Variants in FHIT observed in about 807,000 individuals in gnomAD.
FHIT encodes the protein bis(5'-adenosyl)-triphosphatase.
A neutral mutation model predicts 17.9 loss-of-function variants in FHIT; 19 were observed. The ratio of observed to expected loss-of-function variants is 1.06; its 90% CI spans 0.74 to 1.56. The LOEUF is 1.56. Among genes scored for constraint, FHIT ranks in the 40% most tolerant of loss-of-function variants. The pLI is 0.00. For synonymous variants in FHIT, 81 were observed against 69.7 expected, an observed-to-expected ratio of 1.16 and a Z score of -0.81; for missense variants, 248 against 189.2, an observed-to-expected ratio of 1.31 and a Z score of -1.82.
intron 5 of FHIT, among the ~76,000 whole-genome samples, chr3:60,118,974 T>G (rs918796691): frequency 6.6e-6 from 1 of 150,950 alleles, no homozygotes; most frequent in African/African-American, 2.4e-5. Context: ...TGAGCTGAGA[T>G]GCTGCCACTG....
At position 59,807,611 on chromosome 3, in the gene FHIT, C is replaced by G. The variant is rs866711144; in HGVS notation, c.349-55290G>C. Among the ~76,000 whole-genome samples, 22 of 152,280 alleles carry G rather than the reference C, an allele frequency of 1.4e-4. No homozygotes were observed. The Middle Eastern group carries it at 0.01, about 71-fold the overall frequency. ...TGATTATTCTGTAGCATGTGCTGTC[C>G]ATATTCCTCGGCAGCAGTATATCCC... On this transcript the variant is annotated intron_variant, in intron 8 of 9. Transcript: ENST00000492590.
At chr3:60,285,549 T>C (rs1381222443) in intron 5 of FHIT, among the ~76,000 whole-genome samples, 1 of 152,178 alleles carries the variant, frequency 6.6e-6, no homozygotes, top group Non-Finnish European at 1.5e-5. Flanking sequence ...CCCTCCCCAC[T>C]TGTTCAAACA....
intron 7 of FHIT, among the ~76,000 whole-genome samples, chr3:59,987,114 AT>A (rs370844727): frequency 0.093 from 13,232 of 142,574 alleles, 867 homozygotes; most frequent in South Asian, 0.2. Context: ...AAATCTATAT[AT>A]TTTATATAGA....
chr3:60,953,865 A>C (rs974009038), intron 3 of FHIT, among the ~76,000 whole-genome samples: 2 of 152,242 alleles, frequency 1.3e-5, no homozygotes, highest in East Asian at 3.8e-4. Context: ...ATGTCACGGA[A>C]AGATGTCCAT....
intron 8 of FHIT, among the ~76,000 whole-genome samples, chr3:59,808,759 TC>T (rs1426243583): frequency 6.6e-6 from 1 of 152,092 alleles, no homozygotes; most frequent in African/African-American, 2.4e-5. Flanking sequence ...CCCAATAGGC[TC>T]GGGGATAATC....
intron 5 of FHIT, among the ~76,000 whole-genome samples, chr3:60,020,244 A>G (rs1700502989): frequency 6.6e-6 from 1 of 152,248 alleles, no homozygotes; most frequent in South Asian, 2.1e-4. Context: ...ATAATAATTG[A>G]TTAAAAATAT....
chr3:60,842,033 C>T (rs1553745157), intron 3 of FHIT, among the ~76,000 whole-genome samples: 2 of 151,846 alleles, frequency 1.3e-5, no homozygotes, highest in Admixed American at 6.6e-5. Context: ...AATTCCAGTG[C>T]TCCAAGGACG....
chr3:60,157,558 G>A (rs1016290112), intron 5 of FHIT, among the ~76,000 whole-genome samples: 2 of 152,184 alleles, frequency 1.3e-5, no homozygotes, highest in Non-Finnish European at 2.9e-5. Context: ...AGGCAGCAGT[G>A]AGCTTCGAGG....
At chr3:60,517,501 T>C (rs959245678) in intron 5 of FHIT, among the ~76,000 whole-genome samples, 2 of 152,206 alleles carry the variant, frequency 1.3e-5, no homozygotes, top group African/African-American at 4.8e-5. Context: ...GACCCACTGA[T>C]ATTACTATGA....
At chr3:59,858,236 C>CTTTTTT (rs563841299) in intron 8 of FHIT, among the ~76,000 whole-genome samples, 51 of 84,482 alleles carry the variant, frequency 6.0e-4, no homozygotes, top group Middle Eastern at 7.6e-3. Flanking sequence ...TTCCCACCTT[C>CTTTTTT]TTTTTTTTTT....
At chr3:60,396,875 C>G (rs1553762756) in intron 5 of FHIT, among the ~76,000 whole-genome samples, 1 of 151,172 alleles carries the variant, frequency 6.6e-6, no homozygotes, top group Admixed American at 6.6e-5. Context: ...TTTTTTTTTG[C>G]TTTTTCCCCA....
At chr3:59,994,354 A>T (rs1175463519) in intron 7 of FHIT, among the ~76,000 whole-genome samples, 2 of 152,100 alleles carry the variant, frequency 1.3e-5, no homozygotes, top group Non-Finnish European at 2.9e-5. Context: ...AGCAATACTC[A>T]ATCCATCTGC....
intron 4 of FHIT, among the ~76,000 whole-genome samples, chr3:60,569,734 T>TATATATATATATATATATAC (rs1553654733): frequency 0.014 from 621 of 43,984 alleles, 6 homozygotes; most frequent in Middle Eastern, 0.037. Flanking sequence ...ACTATATATA[T>TATATATATATATATATATAC]ATATATATAT....
intron 7 of FHIT, among the ~76,000 whole-genome samples, chr3:59,958,575 C>G (rs957154794): frequency 6.6e-6 from 1 of 152,206 alleles, no homozygotes; most frequent in African/African-American, 2.4e-5. Flanking sequence ...TAGGTTTTTA[C>G]TGAGTGTCAA....
At chr3:60,902,556 A>G (rs1706175533) in intron 3 of FHIT, among the ~76,000 whole-genome samples, 1 of 152,226 alleles carries the variant, frequency 6.6e-6, no homozygotes, top group African/African-American at 2.4e-5. Flanking sequence ...AGCTGGGCAC[A>G]TGGTTTGATG....
intron 5 of FHIT, among the ~76,000 whole-genome samples, chr3:60,516,541 T>A (rs1022503450): frequency 6.6e-6 from 1 of 152,164 alleles, no homozygotes; most frequent in African/African-American, 2.4e-5. Flanking sequence ...ACCACCTGGA[T>A]TTGAAACCTG....
At chr3:61,007,312 C>G (rs2031517793) in intron 3 of FHIT, among the ~76,000 whole-genome samples, 1 of 152,172 alleles carries the variant, frequency 6.6e-6, no homozygotes, top group Non-Finnish European at 1.5e-5. Context: ...GCATAACTTA[C>G]TCCCTCTTTG....
At chr3:60,474,070 T>G (rs1053341646) in intron 5 of FHIT, among the ~76,000 whole-genome samples, 2 of 152,146 alleles carry the variant, frequency 1.3e-5, no homozygotes, top group African/African-American at 2.4e-5. Flanking sequence ...CTGATGCATT[T>G]TTCATCCTAA....
chr3:61,180,080 T>A (rs2038291529), intron 2 of FHIT, among the ~76,000 whole-genome samples: 1 of 152,194 alleles, frequency 6.6e-6, no homozygotes, highest in Non-Finnish European at 1.5e-5. Flanking sequence ...ACTGAGAAGT[T>A]TGACTTTACA....
Sources: allele counts gnomAD v4.1 joint callset (sites outside exome capture counted in the v4.1 genomes callset), GRCh38; gene constraint gnomAD v4.1.1; transcripts MANE v1.5; gene names NCBI Gene and HGNC (gene_info 2026-07-23, HGNC 2026-07-21).